Variants in MCTP1 observed in about 807,000 individuals in gnomAD.
The protein encoded by MCTP1 is multiple C2 and transmembrane domain-containing protein 1.
In MCTP1, 69 loss-of-function variants were observed where a neutral mutation model predicts 120.6. The ratio of observed to expected loss-of-function variants is 0.57; its 90% CI spans 0.47 to 0.70. The LOEUF is 0.70. Ranked by LOEUF, MCTP1 falls within the 30% of genes least tolerant of loss-of-function variation. The pLI, the probability that MCTP1 is intolerant of heterozygous loss-of-function variation, is 0.00. For missense variants in MCTP1, 1,203 were observed against 1,248.8 expected, an observed-to-expected ratio of 0.96 and a Z score of 0.55; for synonymous variants, 529 against 493.1, an observed-to-expected ratio of 1.07 and a Z score of -0.96.
At chr5:95,024,728 G>T (rs945648829) in intron 1 of MCTP1, among the ~76,000 whole-genome samples, 6 of 151,644 alleles carry the variant, frequency 4.0e-5, no homozygotes, top group African/African-American at 9.7e-5. Flanking sequence ...ATTCATTAAA[G>T]TTGCAGGAGA....
At chr5:95,071,826 A>G (rs910950867) in intron 1 of MCTP1, among the ~76,000 whole-genome samples, 31 of 152,204 alleles carry the variant, frequency 2.0e-4, no homozygotes, top group Admixed American at 1.3e-4. Flanking sequence ...TCTTAAATAC[A>G]ACTTACCACT....
chr5:94,922,836 C>A (rs1327684047), intron 7 of MCTP1, among the ~76,000 whole-genome samples: 3 of 152,152 alleles, frequency 2.0e-5, no homozygotes, highest in Non-Finnish European at 4.4e-5. Context: ...AGTCATGGAA[C>A]AATTTAAAAG....
chr5:95,078,369 G>A (rs1216096721), intron 1 of MCTP1, among the ~76,000 whole-genome samples: 1 of 152,054 alleles, frequency 6.6e-6, no homozygotes, highest in Admixed American at 6.6e-5. Flanking sequence ...AATTGTTTCT[G>A]CCCCACCTGC....
chr5:95,188,431 T>C (rs1054748993), intron 1 of MCTP1, among the ~76,000 whole-genome samples: 1 of 152,190 alleles, frequency 6.6e-6, no homozygotes, highest in Admixed American at 6.5e-5. Flanking sequence ...AATGAAAACT[T>C]ATCTTTACAC....
In MCTP1 at chr5:95,097,596, T is replaced by G. The variant is rs567038932; in HGVS notation, c.721-80112A>C. On this transcript the variant is annotated intron_variant, in intron 1 of 22. Transcript: ENST00000515393. ...AGAGCAAATAATTTGGATTTCATTT[T>G]GTTGGTTTCCATCATGGGAAGTTTC... is the stretch of plus-strand genomic sequence containing the variant. 2.1e-4 allele frequency among the ~76,000 whole-genome samples: 21 copies of G among 100,890 alleles called. No individual in the cohort carries two copies. The South Asian group carries it at 3.0e-3, about 14-fold the overall frequency. The allele number at this position is 100,890 out of a possible 152,430, so 66.2% of individuals were successfully genotyped here.
In MCTP1 at chr5:94,833,915, C is replaced by G. The variant is rs1330177455; in HGVS notation, c.2436+34418G>C. On this transcript the variant is annotated intron_variant, in intron 17 of 22. Transcript: ENST00000515393. ...AGAGAGAACTAGCCTAAATTCAACA[C>G]AGCAAATCAGCAAATTTCTTCAGGG... is the stretch of plus-strand genomic sequence containing the variant. Among the ~76,000 whole-genome samples the G allele has an allele frequency of 2.0e-5, 3 of 152,146 alleles. No individual in the cohort carries two copies. The East Asian group carries it at 5.8e-4, about 29-fold the overall frequency.
At chr5:94,753,115 C>A (rs915830200) in intron 19 of MCTP1, among the ~76,000 whole-genome samples, 1 of 152,122 alleles carries the variant, frequency 6.6e-6, no homozygotes, top group African/African-American at 2.4e-5. Context: ...TGAGAAGAGA[C>A]CAGTAGAAAC....
At chr5:94,732,741 C>T (rs958875814) in intron 19 of MCTP1, among the ~76,000 whole-genome samples, 4 of 152,132 alleles carry the variant, frequency 2.6e-5, no homozygotes, top group Non-Finnish European at 5.9e-5. Flanking sequence ...TGTGAGGACA[C>T]AGCTGAAAGA....
At chr5:94,902,240 G>A (rs1561830665) in intron 10 of MCTP1, among the ~76,000 whole-genome samples, 1 of 152,104 alleles carries the variant, frequency 6.6e-6, no homozygotes, top group Non-Finnish European at 1.5e-5. Context: ...ACAAGAATCT[G>A]CCGAGCCGAC....
chr5:95,246,480 C>CA (rs553274900), intron 1 of MCTP1, among the ~76,000 whole-genome samples: 1,481 of 142,960 alleles, frequency 0.01, 14 homozygotes, highest in African/African-American at 0.018. Context: ...AAATGGAAAG[C>CA]AAAAAAAAAA....
intron 1 of MCTP1, among the ~76,000 whole-genome samples, chr5:95,122,563 A>T (rs1758320760): frequency 6.6e-6 from 1 of 152,240 alleles, no homozygotes; most frequent in Non-Finnish European, 1.5e-5. Context: ...AATGTAAATT[A>T]GTACAACCAC....
At chr5:95,203,754 C>T (rs1354885417) in intron 1 of MCTP1, among the ~76,000 whole-genome samples, 3 of 152,296 alleles carry the variant, frequency 2.0e-5, no homozygotes, top group East Asian at 1.9e-4. Flanking sequence ...TGAAAAGCGG[C>T]AGAAGTGAAT....
At chr5:94,917,843 C>A in intron 8 of MCTP1, 53 bp downstream of exon 8, 3 of 1,455,216 alleles carry the variant, frequency 2.1e-6, no homozygotes, top group Non-Finnish European at 2.9e-6. Flanking sequence ...TCTCAGAAAT[C>A]CCAGCTCATG....
At position 95,236,779 on chromosome 5, in the gene MCTP1, A is replaced by T. The variant is rs777635107; in HGVS notation, c.720+47077T>A. Among the ~76,000 whole-genome samples the T allele has an allele frequency of 2.6e-4, 39 of 152,294 alleles. 1 individual carries two copies. Among genetic ancestry groups the T allele is most frequent in the Middle Eastern group, 3.4e-3 (1 of 294 alleles). On this transcript the variant is annotated intron_variant, in intron 1 of 22. Coordinates refer to ENST00000515393, the MANE Select transcript of MCTP1 (RefSeq NM_024717.7). ...CATAACACATCCAGGAACCCAGGAT[A>T]ATCAGAACTGCTGGAGTCATCCTGT...
rs957743755 is a variant in MCTP1, at chr5:95,262,733, G to A, written c.720+21123C>T. Among the ~76,000 whole-genome samples the A allele has an allele frequency of 3.3e-5, 5 of 152,030 alleles. No homozygotes were observed. In the South Asian group the frequency reaches 8.3e-4, roughly 25 times the overall value. On this transcript the variant is annotated intron_variant, in intron 1 of 22. Coordinates refer to ENST00000515393, the MANE Select transcript of MCTP1 (RefSeq NM_024717.7). The stretch of plus-strand genomic sequence containing the variant: ...AAACCTAAAAACTCAAAAAATTGTG[G>A]CTAATTAGCCCCTCGAGATATTACT...
intron 2 of MCTP1, among the ~76,000 whole-genome samples, chr5:95,011,854 G>A (rs1187267047): frequency 2.0e-5 from 3 of 152,090 alleles, no homozygotes; most frequent in Admixed American, 2.0e-4. Context: ...GTCATTAAAT[G>A]TTCCTTTAAG....
At chr5:95,069,615 ACT>A (rs1465109534) in intron 1 of MCTP1, among the ~76,000 whole-genome samples, 2 of 151,560 alleles carry the variant, frequency 1.3e-5, no homozygotes, top group East Asian at 3.9e-4. Context: ...CTCAGAGCAC[ACT>A]CTTCTTTGAG....
chr5:94,720,350 G>A (rs1002958829), intron 19 of MCTP1, among the ~76,000 whole-genome samples: 12 of 151,454 alleles, frequency 7.9e-5, no homozygotes, highest in Middle Eastern at 3.4e-3. Context: ...GGCTAAGTGG[G>A]AAAAAAAATC....
chr5:94,766,612 T>A (rs575876893), intron 19 of MCTP1, among the ~76,000 whole-genome samples: 33 of 151,798 alleles, frequency 2.2e-4, no homozygotes, highest in African/African-American at 7.7e-4. Context: ...ACATGGCACA[T>A]GTATGATATG....
Sources: allele counts gnomAD v4.1 joint callset (sites outside exome capture counted in the v4.1 genomes callset), GRCh38; gene constraint gnomAD v4.1.1; transcripts MANE v1.5; gene names NCBI Gene and HGNC (gene_info 2026-07-23, HGNC 2026-07-21).